Variants in LUZP1 observed in about 807,000 individuals in gnomAD.
The protein encoded by LUZP1 is leucine zipper protein 1, also known as filamin mechanobinding actin cross-linking protein.
In LUZP1, 25 loss-of-function variants were observed where a neutral mutation model predicts 71.3. That is an observed-to-expected ratio of 0.35 (90% CI 0.26 to 0.49). The LOEUF (loss-of-function observed/expected upper bound fraction) is 0.49, where lower values mean the gene tolerates loss of function less well. LUZP1 is among the 20% of genes least tolerant of loss of function. LUZP1 has a pLI of 0.99. For synonymous variants in LUZP1, 481 were observed against 506.4 expected (o/e 0.95, Z 0.67); for missense variants, 1,142 against 1,300.8 (o/e 0.88, Z 1.88).
At chr1:23,157,388 C>G (rs1037019059) in intron 2 of LUZP1, among the ~76,000 whole-genome samples, 1 of 152,098 alleles carries the variant, frequency 6.6e-6, no homozygotes, top group African/African-American at 2.4e-5. Context: ...TTTAAAAAGC[C>G]GTCCTAGGCC....
At chr1:23,150,802 T>A (rs188960933) in intron 2 of LUZP1, among the ~76,000 whole-genome samples, 1 of 152,298 alleles carries the variant, frequency 6.6e-6, no homozygotes, top group East Asian at 1.9e-4. Flanking sequence ...AGTGGAATCA[T>A]CTCCAAAACC....
chr1:23,123,095 T>C (rs1382470210), intron 2 of LUZP1, among the ~76,000 whole-genome samples: 2 of 152,178 alleles, frequency 1.3e-5, no homozygotes, highest in African/African-American at 4.8e-5. Context: ...TAAGGACAAA[T>C]GGTGTCTAGT....
chr1:23,088,896 C>T, exon 5 of LUZP1: 1 of 1,613,866 alleles, frequency 6.2e-7, no homozygotes, highest in South Asian at 1.1e-5. Flanking sequence ...CCAGCGGGCT[C>T]AGTTCTCCTC....
chr1:23,104,224 G>C (rs912832095), intron 3 of LUZP1, among the ~76,000 whole-genome samples: 1 of 151,014 alleles, frequency 6.6e-6, no homozygotes, highest in Non-Finnish European at 1.5e-5. Context: ...CCATCGTCCA[G>C]GTTGGAGTGA....
rs148519509 is a variant in LUZP1, at chr1:23,148,138, G to A, written c.-226+20628C>T. ...ATTTGACAAATCTCAGACCCAAAAGGTAAAGGGACTTGTGACTTGCTCAAG... is the reference window on the plus strand; with the variant it reads ...ATTTGACAAATCTCAGACCCAAAAGATAAAGGGACTTGTGACTTGCTCAAG... On this transcript the variant is annotated intron_variant, in intron 2 of 4. Transcript: ENST00000302291. Among the ~76,000 whole-genome samples, 80 of 152,222 alleles carry A rather than the reference G, an allele frequency of 5.3e-4. 1 individual carries two copies. The highest frequency in any genetic ancestry group is 1.8e-3 in the African/African-American group (75 of 41,544).
At chr1:23,099,209 T>C (rs1445764764) in intron 3 of LUZP1, among the ~76,000 whole-genome samples, 3 of 152,242 alleles carry the variant, frequency 2.0e-5, no homozygotes, top group African/African-American at 4.8e-5. Flanking sequence ...TTCTGCCCAG[T>C]GGTACAATTA....
At chr1:23,109,356 C>A (rs1325532449) in intron 2 of LUZP1, among the ~76,000 whole-genome samples, 7 of 152,196 alleles carry the variant, frequency 4.6e-5, no homozygotes, top group Admixed American at 4.6e-4. Flanking sequence ...TTCCCCTTTC[C>A]TATAAGATGA....
intron 1 of LUZP1, among the ~76,000 whole-genome samples, chr1:23,173,894 A>G (rs67472800): frequency 0.17 from 26,589 of 152,012 alleles, 2,402 homozygotes; most frequent in East Asian, 0.27. Flanking sequence ...GTTGCATTTG[A>G]ACTTTCAATG....
At chr1:23,155,744 A>T (rs1644416757) in intron 2 of LUZP1, among the ~76,000 whole-genome samples, 1 of 152,068 alleles carries the variant, frequency 6.6e-6, no homozygotes, top group African/African-American at 2.4e-5. Flanking sequence ...TGAACCCGAG[A>T]GCCAAGATCG....
At chr1:23,109,709 C>G (rs1356759786) in intron 2 of LUZP1, 1 of 152,112 alleles carries the variant, frequency 6.6e-6, no homozygotes, top group African/African-American at 2.4e-5. Flanking sequence ...GAAACATAAA[C>G]GAATTTCATG....
At chr1:23,168,029 T>C (rs1483750041) in intron 2 of LUZP1, among the ~76,000 whole-genome samples, 1 of 151,064 alleles carries the variant, frequency 6.6e-6, no homozygotes, top group Non-Finnish European at 1.5e-5. Context: ...GACTGTCTAC[T>C]GGCAACTTAA....
intron 2 of LUZP1, among the ~76,000 whole-genome samples, chr1:23,151,822 T>C (rs1483180271): frequency 6.6e-6 from 1 of 151,748 alleles, no homozygotes; most frequent in African/African-American, 2.4e-5. Context: ...GCCAATATGG[T>C]GAAACCCCAT....
At chr1:23,084,473 T>C (rs1643728197) in exon 5 of LUZP1, 2 of 152,124 alleles carry the variant, frequency 1.3e-5, no homozygotes, top group Admixed American at 6.5e-5. Context: ...AAGGCCCACC[T>C]GGATCATCTA....
intron 2 of LUZP1, among the ~76,000 whole-genome samples, chr1:23,125,711 C>A (rs1644166984): frequency 6.6e-6 from 1 of 152,126 alleles, no homozygotes; most frequent in Non-Finnish European, 1.5e-5. Context: ...CTCATCGACA[C>A]ATCTTAACAT....
intron 2 of LUZP1, among the ~76,000 whole-genome samples, chr1:23,120,050 C>A (rs1644118313): frequency 6.6e-6 from 1 of 151,866 alleles, no homozygotes; most frequent in Non-Finnish European, 1.5e-5. Context: ...CAAGCAAATC[C>A]TCCCCGCTCA....
Position 23,111,425 on chromosome 1 carries a change from T to C in LUZP1, c.-225-2298A>G, listed in dbSNP as rs564635036. 1.3e-3 allele frequency among the ~76,000 whole-genome samples: 194 copies of C among 151,420 alleles called. 3 individuals carry two copies. The highest frequency in any genetic ancestry group is 4.2e-3 in the African/African-American group (173 of 41,274). On this transcript the variant is annotated intron_variant, in intron 2 of 4. Transcript: ENST00000302291. Reference sequence around the variant, plus strand: ...AAAAATTTTAATTAGCTGGGCATGGTGATGCACACCTATAGTCCTAGCTAC... The same window carrying C: ...AAAAATTTTAATTAGCTGGGCATGGCGATGCACACCTATAGTCCTAGCTAC...
intron 2 of LUZP1, among the ~76,000 whole-genome samples, chr1:23,115,640 A>G (rs760345374): frequency 1.8e-4 from 27 of 152,122 alleles, no homozygotes; most frequent in Non-Finnish European, 2.9e-4. Context: ...TCCCGGGTTC[A>G]AGCGATTCTC....
chr1:23,139,869 G>A (rs1271841496), intron 2 of LUZP1, among the ~76,000 whole-genome samples: 2 of 151,776 alleles, frequency 1.3e-5, no homozygotes, highest in Non-Finnish European at 2.9e-5. Context: ...AGGATCACTT[G>A]AGCCTGGGAG....
In LUZP1 at chr1:23,103,135, C is replaced by T. The variant is rs192563857; in HGVS notation, c.-120+5887G>A. On this transcript the variant is annotated intron_variant, in intron 3 of 4. Transcript: ENST00000302291. The stretch of plus-strand genomic sequence containing the variant: ...TTTTTTTTTTGTAGAGAAGGGGTCT[C>T]TATGCTGACCAGGCTGGTCCCAAAC... 5.3e-5 allele frequency among the ~76,000 whole-genome samples: 8 copies of T among 150,282 alleles called. No individual in the cohort carries two copies. The East Asian group carries it at 1.6e-3, about 29-fold the overall frequency.
Sources: gnomAD v4.1 joint callset for allele counts (sites outside exome capture counted in the v4.1 genomes callset) on GRCh38, gnomAD v4.1.1 for gene constraint, MANE v1.5 for transcripts, NCBI Gene and HGNC (gene_info 2026-07-23, HGNC 2026-07-21) for gene names.